Variants in TMA16 observed in about 807,000 individuals in gnomAD.
TMA16 encodes the protein translation machinery associated 16 homolog.
A neutral mutation model predicts 27.1 loss-of-function variants in TMA16; 26 were observed. The ratio of observed to expected loss-of-function variants is 0.96; its 90% CI spans 0.70 to 1.33. The LOEUF is 1.33. Ranked by LOEUF, TMA16 falls within the 40% of genes most tolerant of loss-of-function variation. TMA16 has a pLI of 0.00. For synonymous variants in TMA16, 71 were observed against 81.9 expected (o/e 0.87, Z 0.72); for missense variants, 233 against 241.4 (o/e 0.97, Z 0.23).
At chr4:163,500,574 T>C (rs986368247) in intron 1 of TMA16, among the ~76,000 whole-genome samples, 1 of 152,120 alleles carries the variant, frequency 6.6e-6, no homozygotes, top group African/African-American at 2.4e-5. Context: ...GTCATGGTGG[T>C]TGGTGGATTG....
At chr4:163,494,935 A>C in intron 1 of TMA16, 131 bp downstream of exon 1, 1 of 1,366,870 alleles carries the variant, frequency 7.3e-7, no homozygotes, top group African/African-American at 1.4e-5. Flanking sequence ...ATTTTCAGGG[A>C]GTGTGCGGGG....
intron 5 of TMA16, 103 bp from the exon 6 acceptor site, chr4:163,517,331 G>C: frequency 1.7e-6 from 2 of 1,176,292 alleles, no homozygotes; most frequent in Non-Finnish European, 2.4e-6. Flanking sequence ...TCGAAATTTT[G>C]TTTTCTGTTG....
intron 2 of TMA16, among the ~76,000 whole-genome samples, chr4:163,508,375 GTT>G (rs939347417): frequency 6.6e-6 from 1 of 152,072 alleles, no homozygotes; most frequent in African/African-American, 2.4e-5. Flanking sequence ...GTTGCTGCTG[GTT>G]TAGGGACCAC....
chr4:163,514,177 A>G lies in TMA16; in HGVS notation c.239+19A>G. 1.3e-6 allele frequency: 2 copies of G among 1,579,730 alleles called. No homozygotes were observed. The highest frequency in any genetic ancestry group is 1.7e-6 in the Non-Finnish European group (2 of 1,159,522). On this transcript the variant is annotated intron_variant, in intron 4 of 6. Coordinates refer to ENST00000358572, the MANE Select transcript of TMA16 (RefSeq NM_018352.3). The stretch of plus-strand genomic sequence containing the variant: ...TTGAAAGGTAAACACTGGGCATATT[A>G]TGAGCAAAGGGTCAGAAAAGGGAAT...
At position 163,512,840 on chromosome 4, in the gene TMA16, C is replaced by T; in HGVS notation, c.135C>T (p.Ala45=). The T allele has an allele frequency of 6.2e-7, 1 of 1,605,730 alleles. No homozygotes were observed. Among genetic ancestry groups the T allele is most frequent in the East Asian group, 2.2e-5 (1 of 44,732 alleles). ...TTCAAAGATTGAAGAATGAAAAGGC[C>T]TTGCGTCTCAACCTTGTTGGTAAGT... The part of the protein sequence containing the change: ...EKKEKLKNEK[A]LRLNLVGEKL... Residue 45 remains alanine (A), a synonymous_variant, in exon 3 of 7, where the codon GCC becomes GCT. Coordinates refer to ENST00000358572, the MANE Select transcript of TMA16 (RefSeq NM_018352.3).
At chr4:163,501,973 A>G (rs1175383887) in intron 1 of TMA16, among the ~76,000 whole-genome samples, 2 of 152,202 alleles carry the variant, frequency 1.3e-5, no homozygotes, top group Non-Finnish European at 2.9e-5. Flanking sequence ...TGTAAACTCC[A>G]TGAAGGCAAG....
chr4:163,514,006 A>G (rs921013690), intron 3 of TMA16, 68 bp from the exon 4 acceptor site: 2 of 1,217,144 alleles, frequency 1.6e-6, no homozygotes, highest in African/African-American at 1.5e-5. Flanking sequence ...GTTGAAAATG[A>G]TAATGAATAT....
At chr4:163,498,156 A>G (rs1021076613) in intron 1 of TMA16, among the ~76,000 whole-genome samples, 1 of 152,102 alleles carries the variant, frequency 6.6e-6, no homozygotes, top group Non-Finnish European at 1.5e-5. Flanking sequence ...TCTGTGATAG[A>G]CCTTTAAATT....
At chr4:163,498,380 C>T (rs1052029987) in intron 1 of TMA16, among the ~76,000 whole-genome samples, 3 of 151,186 alleles carry the variant, frequency 2.0e-5, no homozygotes, top group Admixed American at 6.6e-5. Flanking sequence ...CTCTGCCTCC[C>T]GGGTTCACGC....
chr4:163,504,174 T>C (rs1030619680), intron 1 of TMA16, among the ~76,000 whole-genome samples: 2 of 152,228 alleles, frequency 1.3e-5, no homozygotes, highest in Non-Finnish European at 2.9e-5. Flanking sequence ...TCAGAGACTT[T>C]ATATTTTCTT....
At chr4:163,501,772 T>G (rs893383656) in intron 1 of TMA16, among the ~76,000 whole-genome samples, 1 of 152,190 alleles carries the variant, frequency 6.6e-6, no homozygotes, top group African/African-American at 2.4e-5. Context: ...AACTTCCACA[T>G]TAATTAGGTG....
intron 2 of TMA16, among the ~76,000 whole-genome samples, chr4:163,511,964 C>T (rs567598135): frequency 2.0e-5 from 3 of 151,908 alleles, no homozygotes; most frequent in Admixed American, 1.3e-4. Flanking sequence ...TTATACAAAG[C>T]CTTCTCCTAT....
Position 163,494,720 on chromosome 4 carries a change from C to T in TMA16, c.-82C>T, listed in dbSNP as rs1423002304. Reference sequence around the variant, plus strand: ...CCACGTGGGATTCGGCCCGGGTGCTCTTGTGAGCTGCTGCTCCTGCGGTTG... The same window carrying T: ...CCACGTGGGATTCGGCCCGGGTGCTTTTGTGAGCTGCTGCTCCTGCGGTTG... On this transcript the variant is annotated 5_prime_UTR_variant, in exon 1 of 7. Coordinates refer to ENST00000358572, the MANE Select transcript of TMA16 (RefSeq NM_018352.3). 6 of 1,604,270 alleles carry T rather than the reference C, an allele frequency of 3.7e-6. No individual in the cohort carries two copies. Among genetic ancestry groups the T allele is most frequent in the Non-Finnish European group, 4.3e-6 (5 of 1,172,850 alleles).
intron 1 of TMA16, among the ~76,000 whole-genome samples, chr4:163,498,074 C>A (rs1737586872): frequency 6.6e-6 from 1 of 152,070 alleles, no homozygotes; most frequent in African/African-American, 2.4e-5. Context: ...TATGTAAGTA[C>A]ATATAGATCC....
In TMA16 at chr4:163,498,858, A is replaced by G. The variant is rs556441222; in HGVS notation, c.3+4054A>G. Among the ~76,000 whole-genome samples, 21 of 152,114 alleles carry G rather than the reference A, an allele frequency of 1.4e-4. No individual in the cohort carries two copies. In the South Asian group the frequency reaches 3.1e-3, roughly 23 times the overall value. On this transcript the variant is annotated intron_variant, in intron 1 of 6. Transcript: ENST00000358572. ...TTTTTTGTAGAGACAGGGTCTCACT[A>G]TGTTGTCCAGGCTGGTCTCGAACTT...
chr4:163,515,249 T>G, intron 4 of TMA16, 64 bp from the exon 5 acceptor site: 1 of 1,459,958 alleles, frequency 6.8e-7, no homozygotes, highest in Non-Finnish European at 9.1e-7. Flanking sequence ...AAGTTTTCCA[T>G]TAAGTAATGT....
intron 1 of TMA16, among the ~76,000 whole-genome samples, chr4:163,505,951 C>G (rs894125163): frequency 2.0e-5 from 3 of 152,166 alleles, no homozygotes; most frequent in Non-Finnish European, 4.4e-5. Context: ...ATGTTGGAGA[C>G]TGCCAGCTGT....
intron 1 of TMA16, among the ~76,000 whole-genome samples, chr4:163,497,147 T>G (rs934503897): frequency 1.8e-4 from 28 of 152,228 alleles, no homozygotes; most frequent in African/African-American, 6.8e-4. Context: ...TAGCTGTTAC[T>G]GACTACCTTA....
intron 2 of TMA16, 69 bp downstream of exon 2, chr4:163,507,214 A>T: frequency 7.6e-7 from 1 of 1,315,712 alleles, no homozygotes; most frequent in Non-Finnish European, 1.1e-6. Flanking sequence ...TCTTTCAAAC[A>T]TATATCCTTT....
Sources: allele counts gnomAD v4.1 joint callset (sites outside exome capture counted in the v4.1 genomes callset), GRCh38; gene constraint gnomAD v4.1.1; transcripts MANE v1.5; gene names NCBI Gene and HGNC (gene_info 2026-07-23, HGNC 2026-07-21).